ZBTB16: variants seen among roughly 807,000 people sequenced by gnomAD.
ZBTB16 encodes the protein zinc finger and BTB domain-containing protein 16.
ZBTB16 carries 8 observed loss-of-function variants against 56.8 expected under a neutral mutation model. The observed-to-expected ratio is 0.14, with a 90% CI of 0.08 to 0.25. ZBTB16 has a LOEUF of 0.25. Ranked by LOEUF, ZBTB16 falls within the 10% of genes least tolerant of loss-of-function variation. The pLI, the probability that ZBTB16 is intolerant of heterozygous loss-of-function variation, is 1.00. For synonymous variants in ZBTB16, 363 were observed against 368.5 expected, an observed-to-expected ratio of 0.98 and a Z score of 0.17; for missense variants, 625 against 903.0, an observed-to-expected ratio of 0.69 and a Z score of 3.95.
chr11:114,099,332 C>T (rs1221754319), intron 2 of ZBTB16, among the ~76,000 whole-genome samples: 2 of 151,938 alleles, frequency 1.3e-5, no homozygotes, highest in Admixed American at 1.3e-4. Flanking sequence ...TATATATATA[C>T]ACATACACAC....
At chr11:114,125,525 C>G (rs572296872) in intron 2 of ZBTB16, among the ~76,000 whole-genome samples, 1 of 151,976 alleles carries the variant, frequency 6.6e-6, no homozygotes, top group East Asian at 1.9e-4. Context: ...CACATGATGT[C>G]ATTCTTGTTT....
At chr11:114,075,724 G>A (rs1312346480) in intron 2 of ZBTB16, among the ~76,000 whole-genome samples, 1 of 151,826 alleles carries the variant, frequency 6.6e-6, no homozygotes, top group East Asian at 1.9e-4. Flanking sequence ...GCCTGTCTCA[G>A]CCTCCTAAAG....
At chr11:114,181,182 T>C (rs2073848) in intron 3 of ZBTB16, among the ~76,000 whole-genome samples, 19,036 of 152,278 alleles carry the variant, frequency 0.13, 1,490 homozygotes, top group East Asian at 0.23. Context: ...ATACTTTAAT[T>C]GCATGAAGGG....
chr11:114,123,931 G>A (rs551728562), intron 2 of ZBTB16, among the ~76,000 whole-genome samples: 4 of 152,254 alleles, frequency 2.6e-5, no homozygotes, highest in Admixed American at 2.0e-4. Flanking sequence ...GATACGTGCC[G>A]CAACAGAGAC....
chr11:114,061,960 G>A (rs1037995178), intron 1 of ZBTB16, among the ~76,000 whole-genome samples: 1 of 152,066 alleles, frequency 6.6e-6, no homozygotes, highest in African/African-American at 2.4e-5. Context: ...TGGCTGTAGG[G>A]GACCATATTT....
At chr11:114,204,544 T>C (rs1943810659) in intron 4 of ZBTB16, among the ~76,000 whole-genome samples, 1 of 152,232 alleles carries the variant, frequency 6.6e-6, no homozygotes, top group South Asian at 2.1e-4. Flanking sequence ...ATCATTTTAA[T>C]GGTTTCCCAG....
intron 4 of ZBTB16, chr11:114,209,624 C>A (rs1943956019): frequency 1.0e-6 from 1 of 985,262 alleles, no homozygotes; most frequent in South Asian, 4.7e-5. Context: ...TCTCCTCTGC[C>A]TTAGGGTGGT....
intron 4 of ZBTB16, chr11:114,187,411 A>C: frequency 3.5e-6 from 1 of 282,228 alleles, no homozygotes; most frequent in Non-Finnish European, 6.9e-6. Flanking sequence ...CATCTGATGA[A>C]ACTGAAACCC....
chr11:114,114,903 G>A (rs576914851), intron 2 of ZBTB16, among the ~76,000 whole-genome samples: 3 of 151,988 alleles, frequency 2.0e-5, no homozygotes, highest in East Asian at 3.9e-4. Flanking sequence ...GGCTGGTCTC[G>A]AACTCCTGAG....
At position 114,134,973 on chromosome 11, in the gene ZBTB16, ACT is replaced by A. The variant is rs202105582; in HGVS notation, c.1269-21363_1269-21362del. Among the ~76,000 whole-genome samples, 1,088 of 152,336 alleles carry A rather than the reference ACT, an allele frequency of 7.1e-3. 15 individuals are homozygous for A. The highest frequency in any genetic ancestry group is 0.023 in the African/African-American group (974 of 41,570). On this transcript the variant is annotated intron_variant, in intron 2 of 6. Coordinates refer to ENST00000335953, the MANE Select transcript of ZBTB16 (RefSeq NM_006006.6). ...AGGATCAGATAAGCCACCAGTATTCACTGAGTCATTCAGACTCCAGAGTTGCG... is the reference window on the plus strand; with the variant it reads ...AGGATCAGATAAGCCACCAGTATTCAGAGTCATTCAGACTCCAGAGTTGCG...
At chr11:114,141,983 T>C (rs1391023514) in intron 2 of ZBTB16, among the ~76,000 whole-genome samples, 1 of 152,250 alleles carries the variant, frequency 6.6e-6, no homozygotes, top group East Asian at 1.9e-4. Context: ...ATTACAGTTA[T>C]CACTTTTCGT....
intron 2 of ZBTB16, among the ~76,000 whole-genome samples, chr11:114,147,907 G>GAA (rs1942151461): frequency 1.3e-5 from 2 of 152,212 alleles, no homozygotes; most frequent in South Asian, 4.1e-4. Context: ...GAGACTGTAT[G>GAA]AGATTGTGTG....
intron 4 of ZBTB16, among the ~76,000 whole-genome samples, chr11:114,233,032 T>TCA (rs1944473280): frequency 8.1e-6 from 1 of 122,876 alleles, no homozygotes; most frequent in Admixed American, 8.4e-5. Flanking sequence ...CCCCAACTCA[T>TCA]CCCCGGCCCC....
intron 4 of ZBTB16, among the ~76,000 whole-genome samples, chr11:114,192,816 G>T (rs1943529520): frequency 6.6e-6 from 1 of 152,244 alleles, no homozygotes; most frequent in Non-Finnish European, 1.5e-5. Context: ...CCCACTCTGA[G>T]AGTTCTAATC....
intron 2 of ZBTB16, among the ~76,000 whole-genome samples, chr11:114,145,641 G>A (rs1942079133): frequency 6.6e-6 from 1 of 152,198 alleles, no homozygotes; most frequent in Admixed American, 6.5e-5. Flanking sequence ...TGGGGGTTGA[G>A]GGGAGGAATG....
At chr11:114,096,266 C>T (rs1258871953) in intron 2 of ZBTB16, among the ~76,000 whole-genome samples, 1 of 152,122 alleles carries the variant, frequency 6.6e-6, no homozygotes, top group Non-Finnish European at 1.5e-5. Flanking sequence ...TATTGGAGAG[C>T]TGGTGTGGTT....
Position 114,063,130 on chromosome 11 carries a change from A to G in ZBTB16, c.-90-81A>G, listed in dbSNP as rs1938949148. 1 of 723,882 alleles carries G rather than the reference A, an allele frequency of 1.4e-6. No individual in the cohort carries two copies. Among genetic ancestry groups the G allele is most frequent in the South Asian group, 1.7e-5 (1 of 58,012 alleles). The allele number at this position is 723,882 out of a possible 1,614,324, so 44.8% of individuals were successfully genotyped here. A position where few individuals can be genotyped will look rare whatever the true frequency, so the allele number is the denominator to read the frequency against. ...AGGAGGGGGCATGTTGTAGTGGTTG[A>G]ATTCTTACTTTTAGGGACACTGATG... On this transcript the variant is annotated intron_variant, in intron 1 of 6. Transcript: ENST00000335953. This position sits in a 1 kb window ranked among gnomAD's most constrained non-coding sequence, Gnocchi z 6.5.
chr11:114,244,403 A>AG (rs1340115160), intron 5 of ZBTB16, among the ~76,000 whole-genome samples: 1 of 151,810 alleles, frequency 6.6e-6, no homozygotes, highest in South Asian at 2.1e-4. Flanking sequence ...GGCAGGCTGG[A>AG]GGGGGCTCTA....
chr11:114,184,368 A>T (rs1943317622), intron 3 of ZBTB16, among the ~76,000 whole-genome samples: 1 of 152,238 alleles, frequency 6.6e-6, no homozygotes. Context: ...TCCAAGGCAG[A>T]GGTTTTCAAA....
Sources: gnomAD v4.1 joint callset for allele counts (sites outside exome capture counted in the v4.1 genomes callset) on GRCh38, gnomAD v4.1.1 for gene constraint, Gnocchi (gnomAD v3.1) non-coding constraint, MANE v1.5 for transcripts, NCBI Gene and HGNC (gene_info 2026-07-23, HGNC 2026-07-21) for gene names.